The following NUDT6 variants were observed in gnomAD, a reference collection of about 807,000 sequenced individuals.
The protein encoded by NUDT6 is nudix hydrolase 6, also known as FAD diphosphatase NUDT6.
NUDT6 carries 24 observed loss-of-function variants against 36.8 expected under a neutral mutation model. The observed-to-expected ratio is 0.65, with a 90% CI of 0.47 to 0.92. The LOEUF (loss-of-function observed/expected upper bound fraction) is 0.92. NUDT6 is among the 40% of genes least tolerant of loss of function. The pLI, the probability that NUDT6 is intolerant of heterozygous loss-of-function variation, is 0.00. For synonymous variants in NUDT6, 163 were observed against 157.0 expected, an observed-to-expected ratio of 1.04 and a Z score of -0.29; for missense variants, 388 against 392.8, an observed-to-expected ratio of 0.99 and a Z score of 0.10.
At chr4:122,898,602 A>G (rs920483372) in intron 3 of NUDT6, among the ~76,000 whole-genome samples, 4 of 152,182 alleles carry the variant, frequency 2.6e-5, no homozygotes, top group African/African-American at 4.8e-5. Context: ...TCATTTCTCA[A>G]CTATGCTAGG....
In NUDT6 at chr4:122,900,038, A is replaced by G. The variant is rs180807619; in HGVS notation, c.499-2360T>C. ...GTCAACACAGTTGTGGGTAATTAAC[A>G]TGGTCATGCACCCCCGCCACCCCCC... is the stretch of plus-strand genomic sequence containing the variant. On this transcript the variant is annotated intron_variant, in intron 3 of 4. Transcript: ENST00000304430. 1.5e-4 allele frequency among the ~76,000 whole-genome samples: 22 copies of G among 144,912 alleles called. No homozygotes were observed. The East Asian group carries it at 4.4e-3, about 29-fold the overall frequency.
chr4:122,917,746 C>A, intron 1 of NUDT6, 42 bp from the exon 2 acceptor site: 2 of 1,580,780 alleles, frequency 1.3e-6, no homozygotes, highest in East Asian at 2.2e-5. Context: ...TCCAAAGAGA[C>A]GAGTGGAATA....
chr4:122,917,586 T>C lies in NUDT6; in HGVS notation c.357A>G (p.Glu119=). The C allele has an allele frequency of 1.9e-6, 3 of 1,614,198 alleles. No individual in the cohort carries two copies. In the South Asian group the frequency reaches 3.3e-5, roughly 18 times the overall value. The change falls in exon 2 of 5, where the codon GAA becomes GAG. Residue 119 remains glutamate, a synonymous_variant. Transcript: ENST00000304430. ...ASLGFCFHHA[E]SDSSTLTLWL... ...ACAGAGTCAACGTTGATGAATCCGA[T>C]TCTGCGTGGTGAAAGCAGAAGCCCA...
rs113836715 is a variant in NUDT6 at position 122,893,167 on chromosome 4, G to A, written c.612C>T (p.Ser204=). ...EETGIKSEFR[S]VLSIRQQHTN... is the part of the protein sequence containing the mutation. The stretch of plus-strand genomic sequence containing the variant: ...TGTGCTGTTGCCGAATACTCAGGAC[G>A]GACCTGAATTCTGATTTTATACCAG... The change falls in exon 5 of 5, where the codon TCC becomes TCT. Residue 204 remains serine (S), a synonymous_variant. Coordinates refer to ENST00000304430, the MANE Select transcript of NUDT6 (RefSeq NM_007083.5). 1.4e-3 allele frequency: 2,339 copies of A among 1,613,914 alleles called. 3 individuals carry two copies. Among genetic ancestry groups the A allele is most frequent in the Non-Finnish European group, 1.9e-3 (2,201 of 1,179,926 alleles).
At chr4:122,906,646 A>C (rs1409299634) in intron 3 of NUDT6, among the ~76,000 whole-genome samples, 1 of 152,150 alleles carries the variant, frequency 6.6e-6, no homozygotes, top group African/African-American at 2.4e-5. Flanking sequence ...TTTAAATCAG[A>C]GTGACCCCAT....
intron 3 of NUDT6, among the ~76,000 whole-genome samples, chr4:122,899,572 T>A (rs995988085): frequency 3.9e-5 from 6 of 152,194 alleles, no homozygotes; most frequent in Non-Finnish European, 5.9e-5. Flanking sequence ...GTCCTAGATA[T>A]GATCAGTAGT....
chr4:122,907,900 G>A (rs1727653383), intron 3 of NUDT6, among the ~76,000 whole-genome samples: 1 of 151,986 alleles, frequency 6.6e-6, no homozygotes, highest in Non-Finnish European at 1.5e-5. Flanking sequence ...GCGATTTGGT[G>A]CACCTTGCAA....
At chr4:122,916,333 C>T (rs543092676) in intron 2 of NUDT6, among the ~76,000 whole-genome samples, 2 of 152,264 alleles carry the variant, frequency 1.3e-5, no homozygotes, top group South Asian at 4.1e-4. Flanking sequence ...AGCTAATCAG[C>T]CACTTCAAAA....
intron 3 of NUDT6, among the ~76,000 whole-genome samples, chr4:122,900,643 C>T (rs1185501898): frequency 1.3e-5 from 2 of 151,732 alleles, no homozygotes; most frequent in African/African-American, 4.8e-5. Context: ...TTGTAAAAGT[C>T]GATTTGATAT....
chr4:122,903,018 T>C (rs1195550946), intron 3 of NUDT6, among the ~76,000 whole-genome samples: 1 of 152,180 alleles, frequency 6.6e-6, no homozygotes, highest in Non-Finnish European at 1.5e-5. Context: ...ACATCTAATT[T>C]ATTAAACATT....
At chr4:122,900,057 A>ACT (rs376050692) in intron 3 of NUDT6, among the ~76,000 whole-genome samples, 1 of 88,680 alleles carries the variant, frequency 1.1e-5, no homozygotes, top group African/African-American at 4.7e-5. Context: ...CACCCCCGCC[A>ACT]CCCCCCCCCC....
At position 122,922,113 on chromosome 4, in the gene NUDT6, C is replaced by A. The variant is rs180808031; in HGVS notation, c.238+222G>T. On this transcript the variant is annotated intron_variant, in intron 1 of 4. Coordinates refer to ENST00000304430, the MANE Select transcript of NUDT6 (RefSeq NM_007083.5). ...GACCAGCAACCAGGGTTGCAGATCC[C>A]AAAGTCCGGGATCTTCACCATTTCA... 144 of 410,948 alleles carry A rather than the reference C, an allele frequency of 3.5e-4. No homozygotes were observed. The East Asian group carries it at 4.9e-3, about 14-fold the overall frequency. 25.5% of individuals were successfully genotyped at this position (410,948 alleles called of 1,614,324 possible). A position where few individuals can be genotyped will look rare whatever the true frequency, so the allele number is the denominator to read the frequency against.
intron 3 of NUDT6, among the ~76,000 whole-genome samples, chr4:122,905,820 T>C (rs1245939577): frequency 2.6e-5 from 4 of 152,224 alleles, no homozygotes; most frequent in Admixed American, 6.5e-5. Context: ...GGATTTCTTG[T>C]GCATCTGATT....
intron 3 of NUDT6, among the ~76,000 whole-genome samples, chr4:122,907,206 C>T (rs192501354): frequency 3.3e-4 from 51 of 152,252 alleles, no homozygotes; most frequent in Non-Finnish European, 5.6e-4. Flanking sequence ...TCTCAGGTTT[C>T]GGCAACGTCT....
Position 122,917,591 on chromosome 4 carries a change from C to T in NUDT6, c.352G>A (p.Ala118Thr), listed in dbSNP as rs377294623. The T allele has an allele frequency of 6.4e-5, 104 of 1,614,010 alleles. No homozygotes were observed. The highest frequency in any genetic ancestry group is 8.4e-5 in the Non-Finnish European group (99 of 1,180,032). Residue 118 changes from alanine to threonine, a missense_variant, in exon 2 of 5, where the codon GCA (alanine) becomes ACA (threonine). Physicochemically the swap from Ala to Thr is moderately conservative, Grantham distance 58. Transcript: ENST00000304430. Reference protein sequence around the residue: ...AASLGFCFHHAESDSSTLTLW... With the variant: ...AASLGFCFHHTESDSSTLTLW... ...GTCAACGTTGATGAATCCGATTCTG[C>T]GTGGTGAAAGCAGAAGCCCAGGGAA... is the stretch of plus-strand genomic sequence containing the variant.
In NUDT6 at chr4:122,922,324, G is replaced by A. The variant is rs767466990; in HGVS notation, c.238+11C>T. The A allele has an allele frequency of 6.3e-7, 1 of 1,594,152 alleles. No homozygotes were observed. The highest frequency in any genetic ancestry group is 1.1e-5 in the South Asian group (1 of 89,862). On this transcript the variant is annotated intron_variant, in intron 1 of 4. Coordinates refer to ENST00000304430, the MANE Select transcript of NUDT6 (RefSeq NM_007083.5). ...GGAGCCCCGGGAGCCCTTCGTCCCAGGCGCACTTGCCCTGCAAGCCCTTCT... is the reference window on the plus strand; with the variant it reads ...GGAGCCCCGGGAGCCCTTCGTCCCAAGCGCACTTGCCCTGCAAGCCCTTCT...
intron 3 of NUDT6, among the ~76,000 whole-genome samples, chr4:122,906,154 A>G (rs773637680): frequency 2.0e-5 from 3 of 152,102 alleles, no homozygotes; most frequent in Non-Finnish European, 4.4e-5. Context: ...TGCAGCTCTG[A>G]TATTCTTACA....
chr4:122,898,938 T>C (rs1330930375), intron 3 of NUDT6, among the ~76,000 whole-genome samples: 1 of 151,794 alleles, frequency 6.6e-6, no homozygotes, highest in African/African-American at 2.4e-5. Context: ...TGGAGTGCAG[T>C]GGCACCATCA....
Position 122,893,211 on chromosome 4 carries a change from G to A in NUDT6, c.568C>T (p.Arg190Ter), listed in dbSNP as rs779588436. 2.6e-5 allele frequency: 42 copies of A among 1,606,350 alleles called. No individual in the cohort carries two copies. Among genetic ancestry groups the A allele is most frequent in the Admixed American group, 1.2e-4 (7 of 59,420 alleles). The change falls in exon 5 of 5, where the codon CGA becomes TGA. Residue 190 changes from arginine to a stop codon, truncating the protein, a stop_gained. Transcript: ENST00000304430. LOFTEE classifies it high-confidence loss of function. ...PEEDIGDTAV[R>*]EVFEETGIKS... ...ATACCAGTCTCTTCAAAAACTTCTC[G>A]AACCGCTGTGTCTCCTACGTAAAAA...
Sources: gnomAD v4.1 joint callset for allele counts (sites outside exome capture counted in the v4.1 genomes callset) on GRCh38, gnomAD v4.1.1 for gene constraint, MANE v1.5 for transcripts, NCBI Gene and HGNC (gene_info 2026-07-23, HGNC 2026-07-21) for gene names.